TRIP10: variants seen among roughly 807,000 people sequenced by gnomAD.
TRIP10 encodes the protein cdc42-interacting protein 4.
Under a neutral mutation model 80.9 loss-of-function variants are expected in TRIP10, and 54 were observed. The observed-to-expected ratio is 0.67, with a 90% confidence interval of 0.54 to 0.84. The LOEUF is 0.84. Among genes scored for constraint, TRIP10 ranks in the 40% least tolerant of loss-of-function variants. TRIP10 has a pLI of 0.00. For synonymous variants in TRIP10, 321 were observed against 307.2 expected, an observed-to-expected ratio of 1.04 and a Z score of -0.47; for missense variants, 773 against 815.3, an observed-to-expected ratio of 0.95 and a Z score of 0.63.
Position 6,744,721 on chromosome 19 carries a change from C to T in TRIP10, c.789+21C>T. On this transcript the variant is annotated intron_variant, in intron 8 of 14. Coordinates refer to ENST00000313244, the MANE Select transcript of TRIP10 (RefSeq NM_001288962.2). The surrounding 1 kb of genome is among the most constrained non-coding windows in gnomAD (Gnocchi z 4.9). The stretch of plus-strand genomic sequence containing the variant: ...AGAACGTGGGTGCCTGGTCTGGGTC[C>T]ACTGGGCTACGGGAAGGGCAGAGGG... 3.1e-6 allele frequency: 5 copies of T among 1,592,316 alleles called. No homozygotes were observed. Among genetic ancestry groups the T allele is most frequent in the Non-Finnish European group, 4.3e-6 (5 of 1,167,960 alleles).
In TRIP10 at chr19:6,750,339, C is replaced by T. The variant is rs201651591; in HGVS notation, c.1443C>T (p.Asp481=). The T allele has an allele frequency of 6.2e-7, 1 of 1,614,076 alleles. No homozygotes were observed. Among genetic ancestry groups the T allele is most frequent in the Non-Finnish European group, 8.5e-7 (1 of 1,179,996 alleles). Residue 481 remains aspartate, a synonymous_variant, in exon 13 of 15, where the codon GAC becomes GAT. Transcript: ENST00000313244. The stretch of plus-strand genomic sequence containing the variant: ...GTCGAGTCCTTAGCAACCGGGGAGA[C>T]AGCCTGAGCCGGCACGCCCGGCCTC... The part of the protein sequence containing the change: ...AESRVLSNRG[D]SLSRHARPPD...
At chr19:6,740,936 G>A in intron 1 of TRIP10, 74 bp from the exon 2 acceptor site, 1 of 1,371,198 alleles carries the variant, frequency 7.3e-7, no homozygotes, top group Non-Finnish European at 1.0e-6. Context: ...TGGGAGTCTG[G>A]TCGGCGGGCT....
chr19:6,745,003 C>G lies in TRIP10; in HGVS notation c.984+9C>G. 6.2e-7 allele frequency: 1 copy of G among 1,611,444 alleles called. No individual in the cohort carries two copies. Among genetic ancestry groups the G allele is most frequent in the South Asian group, 1.1e-5 (1 of 90,852 alleles). ...TTGGCAAGAAGAACAAGGTGGGGGC[C>G]GGGACCCTTGGGATGGTGGGGGAGA... On this transcript the variant is annotated intron_variant, in intron 9 of 14. Coordinates refer to ENST00000313244, the MANE Select transcript of TRIP10 (RefSeq NM_001288962.2). The surrounding 1 kb of genome is among the most constrained non-coding windows in gnomAD (Gnocchi z 7.2).
At position 6,750,030 on chromosome 19, in the gene TRIP10, C is replaced by G. The variant is rs1000590598; in HGVS notation, c.1359C>G (p.Asn453Lys). The change falls in exon 12 of 15, where the codon AAC becomes AAG. Residue 453 changes from asparagine (N) to lysine (K), a missense_variant. Asn to Lys is a moderately conservative substitution (Grantham distance 94). Transcript: ENST00000313244. ...LEPQIAETLSNIERLKLEVQK... is the reference protein window; with the variant it reads ...LEPQIAETLSKIERLKLEVQK... ...CCCAGATCGCTGAAACCCTGAGCAA[C>G]ATTGAACGGCTGAAATTGGAAGTGC... 1 of 1,609,646 alleles carries G rather than the reference C, an allele frequency of 6.2e-7. No homozygotes were observed. The highest frequency in any genetic ancestry group is 1.7e-5 in the Admixed American group (1 of 59,170).
rs201286415 is a variant in TRIP10, at chr19:6,744,889, T to C, written c.879T>C (p.Arg293=). Residue 293 remains arginine (R), a synonymous_variant, in exon 9 of 15, where the codon CGT becomes CGC. Coordinates refer to ENST00000313244, the MANE Select transcript of TRIP10 (RefSeq NM_001288962.2). This position sits in a 1 kb window ranked among gnomAD's most constrained non-coding sequence, Gnocchi z 4.9. ...EFEDFSQPMN[R]APSDSSLGTP... Reference sequence around the variant, plus strand: ...AGGACTTCAGCCAGCCCATGAACCGTGCACCCTCCGACAGCAGTCTGGGCA... The same window carrying C: ...AGGACTTCAGCCAGCCCATGAACCGCGCACCCTCCGACAGCAGTCTGGGCA... 1.9e-6 allele frequency: 3 copies of C among 1,614,102 alleles called. No individual in the cohort carries two copies. Among genetic ancestry groups the C allele is most frequent in the Non-Finnish European group, 2.5e-6 (3 of 1,180,044 alleles).
rs573741547 is a variant in TRIP10, at chr19:6,746,256, C to A, written c.1152+60C>A. The stretch of plus-strand genomic sequence containing the variant: ...CCCTAGCCTGCCCAGCGGCGGGTGG[C>A]GGGACCCTGGGCTCGCTTCCTGCCG... On this transcript the variant is annotated intron_variant, in intron 10 of 14. Transcript: ENST00000313244. The surrounding 1 kb of genome is among the most constrained non-coding windows in gnomAD (Gnocchi z 6.2). 8.1e-6 allele frequency: 12 copies of A among 1,482,526 alleles called. No homozygotes were observed. The South Asian group carries it at 1.6e-4, about 20-fold the overall frequency. The allele number at this position is 1,482,526 out of a possible 1,614,324, so 91.8% of individuals were successfully genotyped here. A position where few individuals can be genotyped will look rare whatever the true frequency, so the allele number is the denominator to read the frequency against.
rs775572155 is a variant in TRIP10 at position 6,744,621 on chromosome 19, C to G, written c.710C>G (p.Ala237Gly). ...LGAGYGLLSE[A>G]ELEVVPIIAK... Reference sequence around the variant, plus strand: ...GCCGGGTATGGGCTCCTGTCGGAGGCCGAGCTGGAGGTGGTGCCCATAATA... The same window carrying G: ...GCCGGGTATGGGCTCCTGTCGGAGGGCGAGCTGGAGGTGGTGCCCATAATA... The change falls in exon 8 of 15, where the codon GCC (alanine) becomes GGC (glycine). Residue 237 changes from alanine to glycine, a missense_variant. By Grantham distance (60) the Ala-to-Gly change is moderately conservative. Transcript: ENST00000313244. This position sits in a 1 kb window ranked among gnomAD's most constrained non-coding sequence, Gnocchi z 4.9. 6.2e-7 allele frequency: 1 copy of G among 1,613,674 alleles called. No individual in the cohort carries two copies. Among genetic ancestry groups the G allele is most frequent in the East Asian group, 2.2e-5 (1 of 44,886 alleles).
intron 11 of TRIP10, 95 bp from the exon 12 acceptor site, chr19:6,749,839 G>A: frequency 2.0e-6 from 3 of 1,521,150 alleles, no homozygotes; most frequent in Non-Finnish European, 2.7e-6. Context: ...GAAAGAGTCA[G>A]AATGAGACCC....
At chr19:6,740,730 C>A in intron 1 of TRIP10, 1 of 439,980 alleles carries the variant, frequency 2.3e-6, no homozygotes, top group African/African-American at 2.0e-5. Context: ...GGCCCTGTCC[C>A]CTTCCACGCC....
At chr19:6,749,066 T>G (rs1008559548) in intron 11 of TRIP10, among the ~76,000 whole-genome samples, 1 of 152,150 alleles carries the variant, frequency 6.6e-6, no homozygotes, top group Non-Finnish European at 1.5e-5. Flanking sequence ...TCTTTATTTA[T>G]TTTTTCCCCT....
At chr19:6,740,055 G>T (rs1039355043) in intron 1 of TRIP10, among the ~76,000 whole-genome samples, 1 of 152,184 alleles carries the variant, frequency 6.6e-6, no homozygotes, top group Non-Finnish European at 1.5e-5. Context: ...CCAGGCCGGG[G>T]CGGCTGAGAG....
At position 6,746,309 on chromosome 19, in the gene TRIP10, C is replaced by T; in HGVS notation, c.1152+113C>T. The T allele has an allele frequency of 4.7e-6, 7 of 1,494,018 alleles. No individual in the cohort carries two copies. In the South Asian group the frequency reaches 7.9e-5, roughly 17 times the overall value. 92.5% of individuals were successfully genotyped at this position (1,494,018 alleles called of 1,614,324 possible). A position where few individuals can be genotyped will look rare whatever the true frequency, so the allele number is the denominator to read the frequency against. ...GGCTGGGCCCCTCTTCCCTGGTTGCCCAACCCAGACCTGCTTTGCTCTGTG... is the reference window on the plus strand; with the variant it reads ...GGCTGGGCCCCTCTTCCCTGGTTGCTCAACCCAGACCTGCTTTGCTCTGTG... On this transcript the variant is annotated intron_variant, in intron 10 of 14. Transcript: ENST00000313244. This position sits in a 1 kb window ranked among gnomAD's most constrained non-coding sequence, Gnocchi z 6.2.
In TRIP10 at chr19:6,743,615, C is replaced by CGGGGGGGG. The variant is rs145584075; in HGVS notation, c.513+20_513+27dup. On this transcript the variant is annotated intron_variant, in intron 6 of 14. Transcript: ENST00000313244. ...GTGGAGAAGGTGTGTGTGGCGGGGGCGGGGGGGGGGTGCGGGGTCTGGGAC... is the reference window on the plus strand; with the variant it reads ...GTGGAGAAGGTGTGTGTGGCGGGGGCGGGGGGGGGGGGGGGGGGTGCGGGGTCTGGGAC... 2.3e-5 allele frequency: 18 copies of CGGGGGGGG among 771,460 alleles called. No individual in the cohort carries two copies. The highest frequency in any genetic ancestry group is 1.3e-4 in the Admixed American group (4 of 31,056). 47.8% of individuals were successfully genotyped at this position (771,460 alleles called of 1,614,324 possible). A position where few individuals can be genotyped will look rare whatever the true frequency, so the allele number is the denominator to read the frequency against.
Position 6,746,144 on chromosome 19 carries a change from A to C in TRIP10, c.1100A>C (p.Lys367Thr), listed in dbSNP as rs776732807. 1 of 1,547,622 alleles carries C rather than the reference A, an allele frequency of 6.5e-7. No homozygotes were observed. Among genetic ancestry groups the C allele is most frequent in the South Asian group, 1.2e-5 (1 of 83,822 alleles). ...DPLAILSEIS[K>T]SVKPRLASFR... ...TTGGCCATACTGAGCGAGATCAGTA[A>C]GTCGGTCAAACCGAGGCTAGCATCC... The change falls in exon 10 of 15, where the codon AAG becomes ACG. Residue 367 changes from lysine to threonine, a missense_variant. Physicochemically the swap from Lys to Thr is moderately conservative, Grantham distance 78. Coordinates refer to ENST00000313244, the MANE Select transcript of TRIP10 (RefSeq NM_001288962.2). This position sits in a 1 kb window ranked among gnomAD's most constrained non-coding sequence, Gnocchi z 6.2.
intron 6 of TRIP10, 28 bp downstream of exon 6, chr19:6,743,626 T>TGGGGGGGGGGGG: frequency 1.2e-6 from 1 of 850,370 alleles, no homozygotes; most frequent in Non-Finnish European, 1.7e-6. Flanking sequence ...GGGGGGGGGG[T>TGGGGGGGGGGGG]GCGGGGTCTG....
intron 1 of TRIP10, 56 bp downstream of exon 1, chr19:6,739,841 C>T (rs1422655377): frequency 2.9e-6 from 4 of 1,399,286 alleles, no homozygotes; most frequent in South Asian, 1.9e-5. Context: ...AGGCACCCCC[C>T]TTTTGTCCCC....
chr19:6,751,084 C>T lies in TRIP10; in HGVS notation c.1679C>T (p.Ser560Phe), dbSNP rs755372732. Residue 560 changes from serine to phenylalanine, a missense_variant, in exon 15 of 15, where the codon TCT becomes TTT. Transcript: ENST00000313244. ...HFEGSSEGTI[S>F]MAEGEDLSLM... The stretch of plus-strand genomic sequence containing the variant: ...ACAGGGTCCAGCGAGGGCACTATCT[C>T]TATGGCCGAGGGTGAAGACCTCAGT... 2 of 1,599,764 alleles carry T rather than the reference C, an allele frequency of 1.3e-6. No individual in the cohort carries two copies. Among genetic ancestry groups the T allele is most frequent in the South Asian group, 2.2e-5 (2 of 89,228 alleles).
In TRIP10 at chr19:6,740,997, T is replaced by C. The variant is rs369273152; in HGVS notation, c.25-13T>C. 19 of 1,560,892 alleles carry C rather than the reference T, an allele frequency of 1.2e-5. No individual in the cohort carries two copies. The highest frequency in any genetic ancestry group is 1.4e-5 in the Non-Finnish European group (16 of 1,136,224). On this transcript the variant is annotated splice_polypyrimidine_tract_variant and intron_variant, in intron 1 of 14. Transcript: ENST00000313244. ...GCCCCTCTCCCCTCCTCCCCCACCA[T>C]GTCCCATGTCAGGATCAGTTCGAGG...
chr19:6,744,786 T>TC lies in TRIP10; in HGVS notation c.790-9dup, dbSNP rs1969052780. 1.2e-6 allele frequency: 2 copies of TC among 1,607,636 alleles called. No individual in the cohort carries two copies. The highest frequency in any genetic ancestry group is 2.7e-5 in the African/African-American group (2 of 74,802). On this transcript the variant is annotated splice_polypyrimidine_tract_variant and intron_variant, in intron 8 of 14. Coordinates refer to ENST00000313244, the MANE Select transcript of TRIP10 (RefSeq NM_001288962.2). This position sits in a 1 kb window ranked among gnomAD's most constrained non-coding sequence, Gnocchi z 4.9. ...TAGGCACTCGACTGCTCATCCACTG[T>TC]CCCCCTCCCCCAGGACTCCCACGTC... is the stretch of plus-strand genomic sequence containing the variant.
Sources: allele counts gnomAD v4.1 joint callset (sites outside exome capture counted in the v4.1 genomes callset), GRCh38; gene constraint gnomAD v4.1.1; non-coding constraint Gnocchi (gnomAD v3.1); transcripts MANE v1.5; gene names NCBI Gene and HGNC (gene_info 2026-07-23, HGNC 2026-07-21).